ZNF808: variants seen among roughly 807,000 people sequenced by gnomAD.
The protein encoded by ZNF808 is zinc finger protein 808.
ZNF808 carries 5 observed loss-of-function variants against 8.7 expected under a neutral mutation model. The observed-to-expected ratio is 0.58, with a 90% CI of 0.30 to 1.21. The LOEUF (loss-of-function observed/expected upper bound fraction) is 1.21. Ranked by LOEUF, ZNF808 falls within the 50% of genes most tolerant of loss-of-function variation. The probability of loss-of-function intolerance (pLI) is 0.07; values close to 1 mark genes in which losing one functional copy is unlikely to be tolerated. For missense variants in ZNF808, 1,103 were observed against 1,098.4 expected (o/e 1.00, Z -0.06); for synonymous variants, 380 against 366.0 (o/e 1.04, Z -0.44).
intron 4 of ZNF808, among the ~76,000 whole-genome samples, chr19:52,549,044 C>T (rs2059750235): frequency 6.6e-6 from 1 of 152,038 alleles, no homozygotes; most frequent in African/African-American, 2.4e-5. Context: ...GTGGTGTAAT[C>T]TCAGCTCACT....
In ZNF808 at chr19:52,554,310, C is replaced by A. The variant is rs558251598; in HGVS notation, c.1394C>A (p.Thr465Lys). Reference protein sequence around the residue: ...YKCKVCDTAFTCNSQLARHRR... With the variant: ...YKCKVCDTAFKCNSQLARHRR... ...TGTAAGGTTTGTGATACAGCTTTCA[C>A]GTGTAATTCACAGCTGGCACGACAT... is the stretch of plus-strand genomic sequence containing the variant. The change falls in exon 5 of 5, where the codon ACG becomes AAG. Residue 465 changes from threonine (T) to lysine (K), a missense_variant. Thr to Lys is a moderately conservative substitution (Grantham distance 78). Transcript: ENST00000359798. The A allele has an allele frequency of 7.4e-6, 12 of 1,614,010 alleles. No individual in the cohort carries two copies. The East Asian group carries it at 2.5e-4, about 33-fold the overall frequency.
At chr19:52,539,168 A>G (rs1325637621) in intron 2 of ZNF808, among the ~76,000 whole-genome samples, 6 of 141,288 alleles carry the variant, frequency 4.2e-5, no homozygotes, top group African/African-American at 1.6e-4. Flanking sequence ...CCTTTTTTCT[A>G]GTTCCTCTTC....
chr19:52,532,230 ATT>A (rs988813801), intron 1 of ZNF808, among the ~76,000 whole-genome samples: 1 of 145,784 alleles, frequency 6.9e-6, no homozygotes. Context: ...TTGTATTAAC[ATT>A]TTTTTTTTTT....
At chr19:52,551,621 A>C (rs898590323) in intron 4 of ZNF808, among the ~76,000 whole-genome samples, 23 of 152,080 alleles carry the variant, frequency 1.5e-4, no homozygotes, top group African/African-American at 5.6e-4. Flanking sequence ...ATCATGGGTT[A>C]CAATATTTTA....
chr19:52,567,204 G>C (rs1484687001), downstream of ZNF808, among the ~76,000 whole-genome samples: 1 of 151,766 alleles, frequency 6.6e-6, no homozygotes, highest in East Asian at 1.9e-4. Context: ...CCCCCACGTC[G>C]GCCTTCCAAA....
At chr19:52,550,026 G>C (rs1028073505) in intron 4 of ZNF808, among the ~76,000 whole-genome samples, 6 of 151,988 alleles carry the variant, frequency 3.9e-5, no homozygotes, top group African/African-American at 1.2e-4. Flanking sequence ...ACTTCTATCT[G>C]TTCTCCTTGT....
chr19:52,557,004 G>A (rs567106863), downstream of ZNF808, among the ~76,000 whole-genome samples: 30 of 152,070 alleles, frequency 2.0e-4, no homozygotes, highest in African/African-American at 1.4e-4. Context: ...ATGGAGTCTC[G>A]CTCTGTCGCC....
intron 4 of ZNF808, among the ~76,000 whole-genome samples, chr19:52,550,508 G>A (rs989483323): frequency 6.6e-6 from 1 of 151,004 alleles, no homozygotes; most frequent in Non-Finnish European, 1.5e-5. Flanking sequence ...GGGATTACAG[G>A]CATGAACCAC....
At chr19:52,528,337 A>C (rs1315666731) in intron 1 of ZNF808, among the ~76,000 whole-genome samples, 1 of 152,214 alleles carries the variant, frequency 6.6e-6, no homozygotes, top group Non-Finnish European at 1.5e-5. Flanking sequence ...TCCGGGATGC[A>C]GGCGTCTTAC....
At chr19:52,543,412 T>G (rs1250293958) in intron 3 of ZNF808, 65 bp downstream of exon 3, 2 of 1,587,402 alleles carry the variant, frequency 1.3e-6, no homozygotes. Context: ...TAGTATTATA[T>G]TGTATTGTAG....
At chr19:52,542,831 T>C (rs2059684655) in intron 2 of ZNF808, among the ~76,000 whole-genome samples, 1 of 151,644 alleles carries the variant, frequency 6.6e-6, no homozygotes, top group Middle Eastern at 3.2e-3. Context: ...TTTTTTGAGA[T>C]GAAGTCTCAT....
intron 4 of ZNF808, 89 bp downstream of exon 4, chr19:52,547,727 C>A: frequency 6.5e-7 from 1 of 1,548,092 alleles, no homozygotes; most frequent in Non-Finnish European, 8.6e-7. Flanking sequence ...TGATTTTGCC[C>A]CATCCATGCT....
rs2123192111 is a variant in ZNF808 at position 52,553,392 on chromosome 19, G to C, written c.476G>C (p.Ser159Thr). 6.2e-7 allele frequency: 1 copy of C among 1,614,184 alleles called. No homozygotes were observed. Among genetic ancestry groups the C allele is most frequent in the South Asian group, 1.1e-5 (1 of 91,074 alleles). ...CCTATTAAAGATCAGCTTGGATCAA[G>C]CTTTTATTCACATCTGCCTGAACTC... ...NKPIKDQLGS[S>T]FYSHLPELHI... Residue 159 changes from serine to threonine, a missense_variant, in exon 5 of 5, where the codon AGC becomes ACC. Ser to Thr is a moderately conservative substitution (Grantham distance 58, BLOSUM62 1). Transcript: ENST00000359798.
chr19:52,529,016 CAA>C (rs778059455), intron 1 of ZNF808, among the ~76,000 whole-genome samples: 38 of 151,486 alleles, frequency 2.5e-4, no homozygotes, highest in African/African-American at 8.2e-4. Flanking sequence ...GAAAAGAAAA[CAA>C]GAGCTAGAGA....
chr19:52,562,461 C>G (rs2059861127), intron 3 of ZNF808, among the ~76,000 whole-genome samples: 1 of 152,168 alleles, frequency 6.6e-6, no homozygotes, highest in Non-Finnish European at 1.5e-5. Context: ...TGACCAAATT[C>G]TCTCAAAGGC....
intron 3 of ZNF808, 96 bp from the exon 4 acceptor site, chr19:52,547,416 G>A (rs973494341): frequency 8.8e-6 from 14 of 1,593,686 alleles, no homozygotes; most frequent in East Asian, 4.5e-5. Flanking sequence ...CACAGTCTTT[G>A]ATCAAATAAA....
chr19:52,543,561 G>C (rs1349798383), intron 3 of ZNF808, among the ~76,000 whole-genome samples: 1 of 152,148 alleles, frequency 6.6e-6, no homozygotes, highest in Non-Finnish European at 1.5e-5. Context: ...ACATGAACTT[G>C]GGAAGAGGCT....
chr19:52,547,113 A>G (rs941941336), intron 3 of ZNF808, among the ~76,000 whole-genome samples: 2 of 151,826 alleles, frequency 1.3e-5, no homozygotes, highest in East Asian at 1.9e-4. Context: ...ATGTCCGTCT[A>G]ATTTTTATAT....
In ZNF808 at chr19:52,528,695, G is replaced by A. The variant is rs559022257; in HGVS notation, c.-122+984G>A. Among the ~76,000 whole-genome samples the A allele has an allele frequency of 7.8e-4, 118 of 152,112 alleles. 1 individual carries two copies. Among genetic ancestry groups the A allele is most frequent in the African/African-American group, 2.8e-3 (115 of 41,506 alleles). On this transcript the variant is annotated intron_variant, in intron 1 of 4. Transcript: ENST00000359798. ...AGAGCAGAGTGGTGCTGGTGTCAAG[G>A]AGAACCGAGGGAGAAACACAGCAGG...
Sources: allele counts gnomAD v4.1 joint callset (sites outside exome capture counted in the v4.1 genomes callset), GRCh38; gene constraint gnomAD v4.1.1; transcripts MANE v1.5; gene names NCBI Gene and HGNC (gene_info 2026-07-23, HGNC 2026-07-21).